SLC35D1: variants seen among roughly 807,000 people sequenced by gnomAD.
The protein encoded by SLC35D1 is solute carrier family 35 member D1.
SLC35D1 carries 31 observed loss-of-function variants against 46.7 expected under a neutral mutation model. The observed-to-expected ratio is 0.66, with a 90% CI of 0.50 to 0.90. The LOEUF is 0.90. Ranked by LOEUF, SLC35D1 falls within the 40% of genes least tolerant of loss-of-function variation. The pLI is 0.00. For missense variants in SLC35D1, 397 were observed against 426.2 expected, an observed-to-expected ratio of 0.93 and a Z score of 0.60; for synonymous variants, 195 against 164.6, an observed-to-expected ratio of 1.18 and a Z score of -1.41.
At chr1:67,033,013 CTGCCT>C (rs1204894541) in intron 8 of SLC35D1, among the ~76,000 whole-genome samples, 1 of 152,098 alleles carries the variant, frequency 6.6e-6, no homozygotes, top group Non-Finnish European at 1.5e-5. Context: ...TTTTCTGTGC[CTGCCT>C]TATTTCCTTA....
chr1:66,976,659 A>G, the SLC35D1 span: 3 of 1,608,330 alleles, frequency 1.9e-6, no homozygotes, highest in Non-Finnish European at 2.5e-6. Flanking sequence ...TCTGAACGTT[A>G]TGATTTCTTT....
chr1:66,975,276 C>T, the SLC35D1 span, among the ~76,000 whole-genome samples: 22 of 152,126 alleles, frequency 1.4e-4, no homozygotes, highest in Non-Finnish European at 3.1e-4. Context: ...CCTGTTATCT[C>T]AGTACTTTGG....
the SLC35D1 span, chr1:66,984,733 G>C: frequency 1.9e-6 from 3 of 1,613,932 alleles, no homozygotes; most frequent in Non-Finnish European, 1.7e-6. Flanking sequence ...CCCAAAACTT[G>C]CCCATATGAC....
At chr1:66,981,992 T>C in the SLC35D1 span, 7 of 1,522,558 alleles carry the variant, frequency 4.6e-6, no homozygotes, top group East Asian at 1.6e-4. Flanking sequence ...GGAAATTCCG[T>C]TTGGGTTTCT....
the SLC35D1 span, among the ~76,000 whole-genome samples, chr1:66,981,581 T>C: frequency 6.6e-6 from 1 of 152,222 alleles, no homozygotes; most frequent in African/African-American, 2.4e-5. Flanking sequence ...AAAGCCGTTA[T>C]GCATTTTTCC....
chr1:67,052,723 C>T lies in SLC35D1; in HGVS notation c.324+48G>A, dbSNP rs556976401. On this transcript the variant is annotated intron_variant, in intron 3 of 11. Coordinates refer to ENST00000235345, the MANE Select transcript of SLC35D1 (RefSeq NM_015139.3). ...AAGGCACTGATAAAATATGTTAATA[C>T]ATACTGACTTCATTTCACAAAATAA... 188 of 1,590,676 alleles carry T rather than the reference C, an allele frequency of 1.2e-4. 2 individuals are homozygous for T. In the South Asian group the frequency reaches 2.0e-3, roughly 17 times the overall value.
intron 8 of SLC35D1, among the ~76,000 whole-genome samples, chr1:67,040,757 C>T (rs1463940935): frequency 6.6e-6 from 1 of 152,194 alleles, no homozygotes; most frequent in Admixed American, 6.5e-5. Context: ...TCCAAAGGGC[C>T]ATACAAATTG....
the SLC35D1 span, among the ~76,000 whole-genome samples, chr1:66,981,626 A>C: frequency 6.6e-6 from 1 of 152,216 alleles, no homozygotes; most frequent in African/African-American, 2.4e-5. Flanking sequence ...TTTTCATTTA[A>C]ATATTCAGAT....
Position 67,053,897 on chromosome 1 carries a change from C to T in SLC35D1, c.117G>A (p.Val39=). The T allele has an allele frequency of 1.2e-6, 2 of 1,613,818 alleles. No individual in the cohort carries two copies. The highest frequency in any genetic ancestry group is 1.7e-6 in the Non-Finnish European group (2 of 1,179,762). The change falls in exon 1 of 12, where the codon GTG becomes GTA. Residue 39 remains valine, a synonymous_variant. Coordinates refer to ENST00000235345, the MANE Select transcript of SLC35D1 (RefSeq NM_015139.3). Reference sequence around the variant, plus strand: ...AGCCGGCGGCCAGCAGCTTCAGAAACACGGTCAGCGTTTCGGCCGACGCCA... The same window carrying T: ...AGCCGGCGGCCAGCAGCTTCAGAAATACGGTCAGCGTTTCGGCCGACGCCA... ...LGMASAETLT[V]FLKLLAAGFY... is the part of the protein sequence containing the mutation.
intron 10 of SLC35D1, among the ~76,000 whole-genome samples, chr1:67,019,199 T>C (rs1667747375): frequency 6.6e-6 from 1 of 152,210 alleles, no homozygotes. Flanking sequence ...TCCGTCTCCT[T>C]AACTAAAAAC....
the SLC35D1 span, among the ~76,000 whole-genome samples, chr1:66,983,079 A>G: frequency 1.3e-5 from 2 of 152,234 alleles, no homozygotes; most frequent in African/African-American, 2.4e-5. Context: ...TTAGGCTAGG[A>G]AAGTGTTCAT....
rs560383888 is a variant in SLC35D1, at chr1:67,053,680, C to A, written c.203+131G>T. 3.7e-4 allele frequency: 334 copies of A among 899,652 alleles called. 3 individuals carry two copies. In the Middle Eastern group the frequency reaches 6.8e-3, roughly 18 times the overall value. The allele number at this position is 899,652 out of a possible 1,614,324, so 55.7% of individuals were successfully genotyped here. A position where few individuals can be genotyped will look rare whatever the true frequency, so the allele number is the denominator to read the frequency against. On this transcript the variant is annotated intron_variant, in intron 1 of 11. Coordinates refer to ENST00000235345, the MANE Select transcript of SLC35D1 (RefSeq NM_015139.3). ...GCCCGGGCCGCGCGCGTCAGCCGCC[C>A]GCCCTCCCCAGCTCCCGCCCAACTT...
In SLC35D1 at chr1:67,002,864, AAC is replaced by A. The variant is rs1317662869; in HGVS notation, c.*1474_*1475del. 2 of 152,370 alleles carry A rather than the reference AAC, an allele frequency of 1.3e-5. No individual in the cohort carries two copies. The highest frequency in any genetic ancestry group is 4.8e-5 in the African/African-American group (2 of 41,460). The allele number at this position is 152,370 out of a possible 1,614,324, so 9.4% of individuals were successfully genotyped here. On this transcript the variant is annotated 3_prime_UTR_variant, in exon 12 of 12. Coordinates refer to ENST00000235345, the MANE Select transcript of SLC35D1 (RefSeq NM_015139.3). ...ACTGGCTGTACAACTGGCCTGAGCA[AAC>A]ACACTAATCCTCAAAGTCAATGGAT... is the stretch of plus-strand genomic sequence containing the variant.
chr1:67,021,724 G>GACACACAC lies in SLC35D1; in HGVS notation c.730-130_730-123dup, dbSNP rs35069681. On this transcript the variant is annotated intron_variant, in intron 8 of 11. Coordinates refer to ENST00000235345, the MANE Select transcript of SLC35D1 (RefSeq NM_015139.3). The stretch of plus-strand genomic sequence containing the variant: ...AGACACAGACACAGACACAGACACA[G>GACACACAC]ACACACACACACACACACACACACA... The GACACACAC allele has an allele frequency of 6.7e-4, 285 of 422,724 alleles. No individual in the cohort carries two copies. The African/African-American group carries it at 8.3e-3, about 12-fold the overall frequency. The allele number at this position is 422,724 out of a possible 1,614,324, so 26.2% of individuals were successfully genotyped here. A position where few individuals can be genotyped will look rare whatever the true frequency, so the allele number is the denominator to read the frequency against.
At chr1:66,987,096 CTTTTG>C in the SLC35D1 span, 5 of 152,552 alleles carry the variant, frequency 3.3e-5, no homozygotes, top group African/African-American at 1.2e-4. Context: ...GGAAATGTTA[CTTTTG>C]TTAATCTTTA....
the SLC35D1 span, among the ~76,000 whole-genome samples, chr1:66,980,371 C>T: frequency 0.023 from 3,526 of 152,274 alleles, 135 homozygotes; most frequent in African/African-American, 0.082. Flanking sequence ...ATGTAAATTG[C>T]ATAGGTCATG....
the SLC35D1 span, among the ~76,000 whole-genome samples, chr1:66,975,593 T>C: frequency 6.6e-6 from 1 of 151,790 alleles, no homozygotes; most frequent in African/African-American, 2.4e-5. Flanking sequence ...CCCTAAATCC[T>C]CAGTATTTTA....
rs1430298817 is a variant in SLC35D1 at position 67,000,102 on chromosome 1, T to C, written c.*4238A>G. 7.3e-6 allele frequency: 1 copy of C among 137,294 alleles called. No individual in the cohort carries two copies. The highest frequency in any genetic ancestry group is 1.5e-5 in the Non-Finnish European group (1 of 65,028). 8.5% of individuals were successfully genotyped at this position (137,294 alleles called of 1,614,324 possible). ...CTGGCAACAGAGTGAGACCCTGTCT[T>C]TACCAGAAAAAAAAAAAAAAAGGAA... On this transcript the variant is annotated 3_prime_UTR_variant, in exon 12 of 12. Transcript: ENST00000235345.
the SLC35D1 span, among the ~76,000 whole-genome samples, chr1:66,974,153 A>G: frequency 6.6e-6 from 1 of 151,860 alleles, no homozygotes; most frequent in Non-Finnish European, 1.5e-5. Context: ...CAATTAGTTC[A>G]TTCTTAATTA....
Sources: allele counts gnomAD v4.1 joint callset (sites outside exome capture counted in the v4.1 genomes callset), GRCh38; gene constraint gnomAD v4.1.1; transcripts MANE v1.5; gene names NCBI Gene and HGNC (gene_info 2026-07-23, HGNC 2026-07-21).